Variants in FGF12 observed in about 807,000 individuals in gnomAD.
The protein encoded by FGF12 is fibroblast growth factor 12B.
A neutral mutation model predicts 23.6 loss-of-function variants in FGF12; 14 were observed. That is an observed-to-expected ratio of 0.59 (90% CI 0.39 to 0.93). The LOEUF (loss-of-function observed/expected upper bound fraction) is 0.93. FGF12 is among the 40% of genes least tolerant of loss of function. The pLI is 0.00. For missense variants in FGF12, 175 were observed against 217.8 expected (o/e 0.80, Z 1.24); for synonymous variants, 62 against 77.3 (o/e 0.80, Z 1.04).
chr3:192,400,828 T>C (rs1246267664), intron 2 of FGF12, among the ~76,000 whole-genome samples: 1 of 152,200 alleles, frequency 6.6e-6, no homozygotes, highest in Non-Finnish European at 1.5e-5. Context: ...TCTCCACTCA[T>C]AGTCTACCTC....
At chr3:192,533,874 A>G (rs1411026408) in intron 2 of FGF12, 2 of 152,234 alleles carry the variant, frequency 1.3e-5, no homozygotes, top group Non-Finnish European at 2.9e-5. Flanking sequence ...TCAAAAGAAT[A>G]TAAAAATTGG....
rs749769219 is a variant in FGF12 at position 192,142,013 on chromosome 3, A to ATATT, written c.*1992_*1995dup. ...GACAAGAAGAAATACAGCTAGAGTTATATTTTTGCCCCAGGGGTATTCTTT... is the reference window on the plus strand; with the variant it reads ...GACAAGAAGAAATACAGCTAGAGTTATATTTATTTTTGCCCCAGGGGTATTCTTT... On this transcript the variant is annotated 3_prime_UTR_variant, in exon 6 of 6. Coordinates refer to ENST00000445105, the MANE Select transcript of FGF12 (RefSeq NM_004113.6). 2.0e-5 allele frequency: 3 copies of ATATT among 152,254 alleles called. No homozygotes were observed. Among genetic ancestry groups the ATATT allele is most frequent in the Non-Finnish European group, 4.4e-5 (3 of 67,858 alleles). The allele number at this position is 152,254 out of a possible 1,614,324, so 9.4% of individuals were successfully genotyped here.
At chr3:192,373,837 G>A (rs1255585038) in intron 2 of FGF12, among the ~76,000 whole-genome samples, 4 of 152,134 alleles carry the variant, frequency 2.6e-5, no homozygotes, top group Admixed American at 6.5e-5. Context: ...AAGGGTGGCT[G>A]ATCTGACTGT....
At chr3:192,726,158 C>G (rs1719207228) in intron 2 of FGF12, among the ~76,000 whole-genome samples, 1 of 152,204 alleles carries the variant, frequency 6.6e-6, no homozygotes, top group South Asian at 2.1e-4. Context: ...ACCACCATTC[C>G]CTGATCCTAA....
At chr3:192,719,949 T>C (rs1465189926) in intron 2 of FGF12, among the ~76,000 whole-genome samples, 1 of 152,232 alleles carries the variant, frequency 6.6e-6, no homozygotes, top group Non-Finnish European at 1.5e-5. Flanking sequence ...TACTGGAGGA[T>C]TCGAGGAAAA....
intron 5 of FGF12, among the ~76,000 whole-genome samples, chr3:192,169,331 A>C (rs900993893): frequency 1.3e-5 from 2 of 152,056 alleles, no homozygotes; most frequent in African/African-American, 4.8e-5. Context: ...ACAGAGCAAG[A>C]CTCCATCTCA....
chr3:192,340,520 T>C (rs567184495), intron 3 of FGF12, among the ~76,000 whole-genome samples: 1 of 152,292 alleles, frequency 6.6e-6, no homozygotes, highest in South Asian at 2.1e-4. Flanking sequence ...TCCAAGTATT[T>C]AATCTGACAT....
At chr3:192,541,068 T>A (rs1025766223) in intron 2 of FGF12, among the ~76,000 whole-genome samples, 8 of 152,194 alleles carry the variant, frequency 5.3e-5, no homozygotes, top group South Asian at 2.1e-4. Context: ...TTGTTTTTTT[T>A]AAATCCATTT....
intron 2 of FGF12, among the ~76,000 whole-genome samples, chr3:192,550,612 G>C (rs1577049085): frequency 6.6e-6 from 1 of 151,890 alleles, no homozygotes; most frequent in Non-Finnish European, 1.5e-5. Flanking sequence ...TTCAGACAAA[G>C]AGAAAATTAC....
At chr3:192,653,061 A>G (rs976725167) in intron 2 of FGF12, among the ~76,000 whole-genome samples, 2 of 152,008 alleles carry the variant, frequency 1.3e-5, no homozygotes, top group Non-Finnish European at 2.9e-5. Context: ...CTTCTGTAAC[A>G]TCATATTTCG....
chr3:192,277,637 T>C (rs904285900), intron 4 of FGF12, among the ~76,000 whole-genome samples: 8 of 152,206 alleles, frequency 5.3e-5, no homozygotes, highest in Non-Finnish European at 1.0e-4. Context: ...ACTGCTTGCA[T>C]GGGTCTTTAC....
chr3:192,673,645 T>G (rs1384639380), intron 2 of FGF12, among the ~76,000 whole-genome samples: 1 of 151,130 alleles, frequency 6.6e-6, no homozygotes, highest in African/African-American at 2.4e-5. Flanking sequence ...GATGTTTGGC[T>G]TTCTGTTCCT....
At chr3:192,325,961 T>C (rs762110137) in intron 4 of FGF12, among the ~76,000 whole-genome samples, 21 of 152,112 alleles carry the variant, frequency 1.4e-4, no homozygotes, top group Non-Finnish European at 2.8e-4. Context: ...AACTGGAAAG[T>C]GTGTAGGGTC....
chr3:192,434,905 T>A, intron 2 of FGF12, among the ~76,000 whole-genome samples: 1 of 152,144 alleles, frequency 6.6e-6, no homozygotes, highest in East Asian at 1.9e-4. Context: ...GCAGTACATT[T>A]ATCCAACCGC....
intron 2 of FGF12, among the ~76,000 whole-genome samples, chr3:192,403,761 T>C (rs926470364): frequency 7.2e-5 from 11 of 152,118 alleles, no homozygotes; most frequent in Middle Eastern, 3.2e-3. Context: ...ATAAATCACA[T>C]GATTAAACAT....
intron 2 of FGF12, among the ~76,000 whole-genome samples, chr3:192,434,095 C>A (rs1489572629): frequency 6.6e-6 from 1 of 152,078 alleles, no homozygotes; most frequent in Non-Finnish European, 1.5e-5. Context: ...AAGCAAATGG[C>A]CGAGTGGAAA....
chr3:192,211,224 A>T (rs1167044851), intron 4 of FGF12, among the ~76,000 whole-genome samples: 3 of 152,214 alleles, frequency 2.0e-5, no homozygotes, highest in Non-Finnish European at 4.4e-5. Context: ...ACAATGTTCA[A>T]ATATTATATG....
chr3:192,147,572 G>C (rs1331131573), intron 5 of FGF12, among the ~76,000 whole-genome samples: 3 of 152,166 alleles, frequency 2.0e-5, no homozygotes, highest in Non-Finnish European at 4.4e-5. Context: ...TATCATTTCA[G>C]AGTATTCAAA....
At chr3:192,299,888 C>A (rs1715245170) in intron 4 of FGF12, among the ~76,000 whole-genome samples, 1 of 152,176 alleles carries the variant, frequency 6.6e-6, no homozygotes, top group Non-Finnish European at 1.5e-5. Flanking sequence ...AGTCTTTCCA[C>A]AGATACATTG....
Sources: allele counts gnomAD v4.1 joint callset (sites outside exome capture counted in the v4.1 genomes callset), GRCh38; gene constraint gnomAD v4.1.1; transcripts MANE v1.5; gene names NCBI Gene and HGNC (gene_info 2026-07-23, HGNC 2026-07-21).